Variants in ACTR3C observed in about 807,000 individuals in gnomAD.
ACTR3C encodes actin related protein 3C, also known as actin-related protein 3C.
In ACTR3C, 18 loss-of-function variants were observed where a neutral mutation model predicts 26.3. The observed-to-expected ratio is 0.68, with a 90% CI of 0.47 to 1.01. The LOEUF (loss-of-function observed/expected upper bound fraction) is 1.01, where lower values mean the gene tolerates loss of function less well. ACTR3C is among the 50% of genes least tolerant of loss of function. The probability of loss-of-function intolerance (pLI) is 0.00; values close to 1 mark genes in which losing one functional copy is unlikely to be tolerated. For missense variants in ACTR3C, 184 were observed against 250.7 expected (o/e 0.73, Z 1.80); for synonymous variants, 55 against 94.5 (o/e 0.58, Z 2.42).
the ACTR3C span, among the ~76,000 whole-genome samples, chr7:149,994,337 C>T: frequency 1.3e-5 from 2 of 152,158 alleles, no homozygotes; most frequent in African/African-American, 4.8e-5. Flanking sequence ...GTGGCTCATG[C>T]CTGTAATCCC....
At chr7:149,992,251 C>T in the ACTR3C span, among the ~76,000 whole-genome samples, 4 of 152,246 alleles carry the variant, frequency 2.6e-5, no homozygotes, top group Non-Finnish European at 5.9e-5. Flanking sequence ...CAAATAAATA[C>T]ACGGTAGCAG....
chr7:150,299,226 AC>A (rs999254238), intron 1 of ACTR3C, among the ~76,000 whole-genome samples: 12 of 151,294 alleles, frequency 7.9e-5, no homozygotes, highest in African/African-American at 2.7e-4. Flanking sequence ...CAAGTGATCC[AC>A]CACTTCGGCC....
the ACTR3C span, among the ~76,000 whole-genome samples, chr7:150,084,429 T>C: frequency 6.6e-6 from 1 of 152,096 alleles, no homozygotes; most frequent in Non-Finnish European, 1.5e-5. Context: ...GTGATACGTG[T>C]TGAGAAGAAG....
At chr7:150,311,022 AAAC>A (rs1434390019) in intron 1 of ACTR3C, among the ~76,000 whole-genome samples, 3 of 152,168 alleles carry the variant, frequency 2.0e-5, no homozygotes, top group South Asian at 2.1e-4. Context: ...CCCGACCACC[AAAC>A]AACAACTCCT....
chr7:149,898,693 C>A, the ACTR3C span, among the ~76,000 whole-genome samples: 1,006 of 151,006 alleles, frequency 6.7e-3, 4 homozygotes, highest in Non-Finnish European at 9.1e-3. Context: ...GGCAACAGAG[C>A]AAGACTCTGT....
chr7:149,906,510 C>G, the ACTR3C span, among the ~76,000 whole-genome samples: 1 of 147,678 alleles, frequency 6.8e-6, no homozygotes, highest in African/African-American at 2.5e-5. Context: ...CGGCTCACTG[C>G]AACCTCCACC....
At chr7:150,204,865 C>T in the ACTR3C span, among the ~76,000 whole-genome samples, 3 of 151,598 alleles carry the variant, frequency 2.0e-5, no homozygotes, top group African/African-American at 7.3e-5. Flanking sequence ...AGAGGAGGAG[C>T]GAGGAACATG....
the ACTR3C span, among the ~76,000 whole-genome samples, chr7:150,199,166 C>T: frequency 2.7e-5 from 4 of 146,974 alleles, no homozygotes; most frequent in South Asian, 4.2e-4. Flanking sequence ...AATAGAAAGG[C>T]GGGAAAGGTG....
chr7:149,936,067 C>A, the ACTR3C span, among the ~76,000 whole-genome samples: 139,307 of 151,970 alleles, frequency 0.92, 64,506 homozygotes, highest in Non-Finnish European at 0.99. Flanking sequence ...ATTATTAAGT[C>A]CTCTTCTGAC....
chr7:150,082,956 T>TC, the ACTR3C span, among the ~76,000 whole-genome samples: 1 of 142,898 alleles, frequency 7.0e-6, no homozygotes. Context: ...TCTTTTTTTT[T>TC]TTTTTTCAGG....
chr7:150,287,028 G>A (rs534007303), intron 4 of ACTR3C, among the ~76,000 whole-genome samples: 3 of 152,270 alleles, frequency 2.0e-5, no homozygotes, highest in East Asian at 1.9e-4. Context: ...GCCACAAGCC[G>A]GGTGGCCACT....
chr7:150,122,258 AAAAACAAAAC>A, the ACTR3C span, among the ~76,000 whole-genome samples: 414 of 151,086 alleles, frequency 2.7e-3, 2 homozygotes, highest in Middle Eastern at 0.024. Context: ...TCTGCACAGC[AAAAACAAAAC>A]AAAACAAAAC....
the ACTR3C span, among the ~76,000 whole-genome samples, chr7:150,237,478 C>T: frequency 0.11 from 17,108 of 150,562 alleles, 1,764 homozygotes; most frequent in African/African-American, 0.26. Context: ...AGGCACATGT[C>T]CCACCCTGTC....
the ACTR3C span, among the ~76,000 whole-genome samples, chr7:150,131,704 C>G: frequency 1.3e-5 from 2 of 152,130 alleles, no homozygotes; most frequent in Non-Finnish European, 1.5e-5. Context: ...GAATTCCACT[C>G]TTAGATATCT....
At chr7:150,235,131 G>A in the ACTR3C span, among the ~76,000 whole-genome samples, 1 of 152,156 alleles carries the variant, frequency 6.6e-6, no homozygotes, top group Non-Finnish European at 1.5e-5. Flanking sequence ...TATTTTATAT[G>A]ATTAATACAA....
the ACTR3C span, among the ~76,000 whole-genome samples, chr7:149,967,669 G>A: frequency 1.3e-5 from 2 of 152,098 alleles, no homozygotes; most frequent in African/African-American, 4.8e-5. Context: ...ACTGACTCAG[G>A]CTAGCTAGAT....
the ACTR3C span, among the ~76,000 whole-genome samples, chr7:149,987,075 C>A: frequency 7.4e-6 from 1 of 135,636 alleles, no homozygotes. Flanking sequence ...CAGGGGCCTG[C>A]TTCTTCAGGG....
intron 2 of ACTR3C, among the ~76,000 whole-genome samples, chr7:150,295,011 T>C (rs1361000729): frequency 6.6e-6 from 1 of 152,054 alleles, no homozygotes; most frequent in Non-Finnish European, 1.5e-5. Context: ...TAAAAATGCA[T>C]GAGACTTTAA....
the ACTR3C span, among the ~76,000 whole-genome samples, chr7:150,055,459 A>C: frequency 6.6e-6 from 1 of 151,816 alleles, no homozygotes; most frequent in East Asian, 1.9e-4. Context: ...TTTCAAGAAT[A>C]AAAAAAAGAA....
Sources: gnomAD v4.1 joint callset for allele counts (sites outside exome capture counted in the v4.1 genomes callset) on GRCh38, gnomAD v4.1.1 for gene constraint, MANE v1.5 for transcripts, NCBI Gene and HGNC (gene_info 2026-07-23, HGNC 2026-07-21) for gene names.